BTBD9: variants seen among roughly 807,000 people sequenced by gnomAD.
The protein encoded by BTBD9 is BTB/POZ domain-containing protein 9.
Under a neutral mutation model 64.3 loss-of-function variants are expected in BTBD9, and 49 were observed. The ratio of observed to expected loss-of-function variants is 0.76; its 90% CI spans 0.61 to 0.97. The LOEUF (loss-of-function observed/expected upper bound fraction) is 0.97. BTBD9 is among the 50% of genes least tolerant of loss of function. The probability of loss-of-function intolerance (pLI) is 0.00; values close to 1 mark genes in which losing one functional copy is unlikely to be tolerated. For synonymous variants in BTBD9, 260 were observed against 274.7 expected, an observed-to-expected ratio of 0.95 and a Z score of 0.53; for missense variants, 598 against 762.1, an observed-to-expected ratio of 0.78 and a Z score of 2.53.
At chr6:38,335,931 C>T (rs1481401264) in intron 7 of BTBD9, among the ~76,000 whole-genome samples, 1 of 151,618 alleles carries the variant, frequency 6.6e-6, no homozygotes, top group African/African-American at 2.4e-5. Flanking sequence ...GATAGGTTTT[C>T]ACCATGTTGG....
intron 6 of BTBD9, among the ~76,000 whole-genome samples, chr6:38,423,049 G>A (rs1767977663): frequency 6.6e-6 from 1 of 152,094 alleles, no homozygotes. Context: ...CAGATCACAT[G>A]TGGCCAGGAG....
At chr6:38,556,284 T>A (rs1707588326) in intron 6 of BTBD9, among the ~76,000 whole-genome samples, 1 of 152,280 alleles carries the variant, frequency 6.6e-6, no homozygotes, top group African/African-American at 2.4e-5. Context: ...ATAACTAGTA[T>A]GCATCCCACT....
At chr6:38,335,646 AC>A (rs1562041460) in intron 7 of BTBD9, among the ~76,000 whole-genome samples, 2 of 150,752 alleles carry the variant, frequency 1.3e-5, no homozygotes, top group Non-Finnish European at 3.0e-5. Flanking sequence ...ACTCACTGCA[AC>A]CTCTGCCTCT....
intron 6 of BTBD9, among the ~76,000 whole-genome samples, chr6:38,475,157 G>C (rs572868872): frequency 2.6e-4 from 40 of 152,170 alleles, no homozygotes; most frequent in African/African-American, 9.6e-4. Context: ...ATTTTAAAAA[G>C]AATACATACA....
chr6:38,537,750 A>C (rs1774085221), intron 6 of BTBD9, among the ~76,000 whole-genome samples: 1 of 152,200 alleles, frequency 6.6e-6, no homozygotes, highest in African/African-American at 2.4e-5. Context: ...GCACATGGCT[A>C]CCGAACTTAA....
chr6:38,435,434 G>T lies in BTBD9; in HGVS notation c.1155-90341C>A, dbSNP rs1768670124. 2.0e-5 allele frequency among the ~76,000 whole-genome samples: 3 copies of T among 151,644 alleles called. 1 individual carries two copies. Among genetic ancestry groups the T allele is most frequent in the African/African-American group, 4.9e-5 (2 of 41,030 alleles). ...GAATCGCTTGAACCTGGGAGGCACA[G>T]GTTGCAGTGAAAAAAAGAAAAAGAA... On this transcript the variant is annotated intron_variant, in intron 6 of 10. Coordinates refer to ENST00000481247, the MANE Select transcript of BTBD9 (RefSeq NM_001099272.2).
intron 6 of BTBD9, among the ~76,000 whole-genome samples, chr6:38,358,769 C>CTTT (rs35616918): frequency 1.4e-5 from 2 of 146,118 alleles, no homozygotes; most frequent in Non-Finnish European, 1.5e-5. Context: ...GGATTGTGAC[C>CTTT]TTTTTTTTTT....
intron 6 of BTBD9, among the ~76,000 whole-genome samples, chr6:38,407,023 C>T (rs530798408): frequency 1.3e-5 from 2 of 152,296 alleles, no homozygotes; most frequent in South Asian, 4.1e-4. Context: ...GTTTCCACTA[C>T]CTGGCTGTCT....
intron 8 of BTBD9, among the ~76,000 whole-genome samples, chr6:38,264,967 G>C (rs1297337681): frequency 6.6e-6 from 1 of 152,184 alleles, no homozygotes; most frequent in African/African-American, 2.4e-5. Context: ...CTGCTCATCA[G>C]ATGGAATGGA....
chr6:38,294,422 G>C (rs536468039), intron 7 of BTBD9, among the ~76,000 whole-genome samples: 1 of 152,332 alleles, frequency 6.6e-6, no homozygotes, highest in East Asian at 1.9e-4. Flanking sequence ...ATCAATGATA[G>C]ACTGGATAAA....
chr6:38,454,054 T>C (rs902941118), intron 6 of BTBD9, among the ~76,000 whole-genome samples: 14 of 152,188 alleles, frequency 9.2e-5, no homozygotes, highest in African/African-American at 2.7e-4. Context: ...AAAGGTGCAG[T>C]GATTAATGAC....
At chr6:38,438,383 T>G (rs1449407216) in intron 6 of BTBD9, among the ~76,000 whole-genome samples, 2 of 152,160 alleles carry the variant, frequency 1.3e-5, no homozygotes, top group East Asian at 3.8e-4. Context: ...GGAGAAATGG[T>G]ACAAGGTGCA....
chr6:38,231,197 T>C (rs1582086857), intron 9 of BTBD9, among the ~76,000 whole-genome samples: 1 of 152,272 alleles, frequency 6.6e-6, no homozygotes, highest in Non-Finnish European at 1.5e-5. Flanking sequence ...ACCATTATTA[T>C]CTACTTTGTT....
chr6:38,293,449 T>C (rs1412286710), intron 7 of BTBD9, among the ~76,000 whole-genome samples: 1 of 152,130 alleles, frequency 6.6e-6, no homozygotes, highest in Non-Finnish European at 1.5e-5. Flanking sequence ...CAAAACAGCA[T>C]GGTACTGGTA....
At chr6:38,362,949 C>T (rs755064994) in intron 6 of BTBD9, among the ~76,000 whole-genome samples, 3 of 151,880 alleles carry the variant, frequency 2.0e-5, no homozygotes, top group Non-Finnish European at 4.4e-5. Flanking sequence ...GAGAGAGTGG[C>T]CTGGAAATGA....
intron 6 of BTBD9, among the ~76,000 whole-genome samples, chr6:38,374,978 A>C (rs907487790): frequency 6.6e-6 from 1 of 152,216 alleles, no homozygotes; most frequent in Non-Finnish European, 1.5e-5. Context: ...GAGGAAAAAG[A>C]AGCTTGCAGT....
chr6:38,542,833 G>C (rs1040545294), intron 6 of BTBD9, among the ~76,000 whole-genome samples: 2 of 152,078 alleles, frequency 1.3e-5, no homozygotes, highest in African/African-American at 4.8e-5. Context: ...TATTATCAAT[G>C]CAATCTTATT....
chr6:38,349,910 A>T (rs228186), intron 6 of BTBD9, among the ~76,000 whole-genome samples: 100,927 of 152,006 alleles, frequency 0.66, 34,827 homozygotes, highest in East Asian at 0.96. Context: ...TTTAATCCTC[A>T]AGCCTTTAAA....
In BTBD9 at chr6:38,300,170, A is replaced by G. The variant is rs140181049; in HGVS notation, c.1265-11709T>C. On this transcript the variant is annotated intron_variant, in intron 7 of 10. Coordinates refer to ENST00000481247, the MANE Select transcript of BTBD9 (RefSeq NM_001099272.2). ...TTTGTCAAAGATCAGATAGTTGTAG[A>G]TATGCAGCATTATTTCTGAGGGCTC... Among the ~76,000 whole-genome samples, 916 of 152,152 alleles carry G rather than the reference A, an allele frequency of 6.0e-3. 12 individuals are homozygous for G. Among genetic ancestry groups the G allele is most frequent in the African/African-American group, 0.018 (760 of 41,500 alleles).
Sources: gnomAD v4.1 joint callset for allele counts (sites outside exome capture counted in the v4.1 genomes callset) on GRCh38, gnomAD v4.1.1 for gene constraint, MANE v1.5 for transcripts, NCBI Gene and HGNC (gene_info 2026-07-23, HGNC 2026-07-21) for gene names.